Variants in CDIP1 observed in about 807,000 individuals in gnomAD.
CDIP1 encodes cell death-inducing p53-target protein 1.
CDIP1 carries 9 observed loss-of-function variants against 17.7 expected under a neutral mutation model. The ratio of observed to expected loss-of-function variants is 0.51; its 90% CI spans 0.31 to 0.89. The LOEUF (loss-of-function observed/expected upper bound fraction) is 0.89. CDIP1 is among the 40% of genes least tolerant of loss of function. The pLI, the probability that CDIP1 is intolerant of heterozygous loss-of-function variation, is 0.05. For missense variants in CDIP1, 263 were observed against 277.9 expected (o/e 0.95, Z 0.38); for synonymous variants, 117 against 109.5 (o/e 1.07, Z -0.43).
At chr16:4,529,954 T>A (rs1049398180) in intron 1 of CDIP1, among the ~76,000 whole-genome samples, 1 of 152,192 alleles carries the variant, frequency 6.6e-6, no homozygotes, top group African/African-American at 2.4e-5. Flanking sequence ...GTCCCCCTAT[T>A]CCGTGGGTCG....
rs1292261976 is a variant in CDIP1 at position 4,538,750 on chromosome 16, T to A, written c.-153A>T. ...GGCCGCAACAGCAGGACCGAACGCCTCGGCAGCTGGCAGTCGCACTTCTGT... is the reference window on the plus strand; with the variant it reads ...GGCCGCAACAGCAGGACCGAACGCCACGGCAGCTGGCAGTCGCACTTCTGT... On this transcript the variant is annotated 5_prime_UTR_variant, in exon 1 of 6. Transcript: ENST00000567695. 1 of 152,098 alleles carries A rather than the reference T, an allele frequency of 6.6e-6. No homozygotes were observed. The highest frequency in any genetic ancestry group is 1.5e-5 in the Non-Finnish European group (1 of 68,058). The allele number at this position is 152,098 out of a possible 1,614,324, so 9.4% of individuals were successfully genotyped here.
chr16:4,531,217 A>G (rs2059053835), intron 1 of CDIP1, among the ~76,000 whole-genome samples: 1 of 151,942 alleles, frequency 6.6e-6, no homozygotes, highest in Non-Finnish European at 1.5e-5. Flanking sequence ...TTTAGTACAG[A>G]TGGGGTTTCA....
intron 1 of CDIP1, among the ~76,000 whole-genome samples, chr16:4,527,174 G>A (rs527775154): frequency 1.3e-4 from 20 of 150,370 alleles, no homozygotes; most frequent in African/African-American, 2.9e-4. Context: ...TGCAAGCTCC[G>A]CCTCCTGGGT....
intron 1 of CDIP1, among the ~76,000 whole-genome samples, chr16:4,528,369 G>A (rs2059021748): frequency 6.6e-6 from 1 of 152,172 alleles, no homozygotes; most frequent in Non-Finnish European, 1.5e-5. Flanking sequence ...GTGAGCCACT[G>A]CACTCTTCCA....
chr16:4,525,928 T>C (rs942742903), intron 1 of CDIP1, among the ~76,000 whole-genome samples: 1 of 152,124 alleles, frequency 6.6e-6, no homozygotes, highest in Non-Finnish European at 1.5e-5. Context: ...CTCTGAACCA[T>C]TTATTTATTT....
At chr16:4,532,182 C>T (rs1038727735) in intron 1 of CDIP1, 14 of 152,220 alleles carry the variant, frequency 9.2e-5, no homozygotes, top group African/African-American at 3.1e-4. Flanking sequence ...ACGGTCCCTG[C>T]GTCTTGGCTC....
chr16:4,528,298 C>T (rs543312155), intron 1 of CDIP1, among the ~76,000 whole-genome samples: 3 of 152,288 alleles, frequency 2.0e-5, no homozygotes, highest in Non-Finnish European at 2.9e-5. Context: ...AGGCAGGTCT[C>T]GAACTCCTGA....
At chr16:4,526,367 C>T (rs1215658529) in intron 1 of CDIP1, among the ~76,000 whole-genome samples, 1 of 147,824 alleles carries the variant, frequency 6.8e-6, no homozygotes, top group Non-Finnish European at 1.5e-5. Context: ...ATCACACCGT[C>T]GCACTCCAGC....
At chr16:4,516,730 CAG>C (rs137922573) in intron 1 of CDIP1, among the ~76,000 whole-genome samples, 9,534 of 105,830 alleles carry the variant, frequency 0.09, 618 homozygotes, top group African/African-American at 0.2. Context: ...TTTTGTGAGA[CAG>C]AGTCTTGCTC....
At position 4,516,862 on chromosome 16, in the gene CDIP1, C is replaced by G. The variant is rs545820611; in HGVS notation, c.-104-2198G>C. 2.6e-5 allele frequency among the ~76,000 whole-genome samples: 4 copies of G among 152,114 alleles called. No individual in the cohort carries two copies. In the South Asian group the frequency reaches 6.2e-4, roughly 24 times the overall value. The stretch of plus-strand genomic sequence containing the variant: ...AGCTGAGACTACAGGCACACGGCAC[C>G]ACGACTGGCTGATTTTTGTATTTTT... On this transcript the variant is annotated intron_variant, in intron 1 of 5. Coordinates refer to ENST00000567695, the MANE Select transcript of CDIP1 (RefSeq NM_013399.3).
In CDIP1 at chr16:4,529,865, G is replaced by C. The variant is rs535390401; in HGVS notation, c.-105+8837C>G. ...CACTCACGGCCACCCAGGTGGAAGA[G>C]TCTTAATTCAGACACAAATGTCTCC... is the stretch of plus-strand genomic sequence containing the variant. On this transcript the variant is annotated intron_variant, in intron 1 of 5. Transcript: ENST00000567695. Among the ~76,000 whole-genome samples the C allele has an allele frequency of 2.4e-4, 36 of 152,358 alleles. No individual in the cohort carries two copies. In the East Asian group the frequency reaches 6.2e-3, roughly 26 times the overall value.
chr16:4,526,241 C>CA (rs1373352767), intron 1 of CDIP1, among the ~76,000 whole-genome samples: 4 of 151,890 alleles, frequency 2.6e-5, no homozygotes, highest in Non-Finnish European at 5.9e-5. Flanking sequence ...TCTGTTTGTA[C>CA]AAAAAATACA....
chr16:4,523,833 T>C (rs1455455405), intron 1 of CDIP1: 3 of 152,226 alleles, frequency 2.0e-5, no homozygotes, highest in East Asian at 3.9e-4. Context: ...CCCCTGAGGG[T>C]GGCCAGATGG....
In CDIP1 at chr16:4,512,985, G is replaced by A. The variant is rs762649316; in HGVS notation, c.321C>T (p.Gly107=). 5 of 1,589,592 alleles carry A rather than the reference G, an allele frequency of 3.1e-6. No individual in the cohort carries two copies. The African/African-American group carries it at 5.4e-5, about 17-fold the overall frequency. ...GGACTGTGGCTGTGTGGCCCCCAGG[G>A]CCAGGGTAGGGCCCTGGCGTGTAGG... ...PGPYTPGPYP[G]PGGHTATVLV... Residue 107 remains glycine (G), a synonymous_variant, in exon 5 of 6, where the codon GGC becomes GGT. Coordinates refer to ENST00000567695, the MANE Select transcript of CDIP1 (RefSeq NM_013399.3). The surrounding 1 kb of genome is among the most constrained non-coding windows in gnomAD (Gnocchi z 4.6).
At position 4,513,766 on chromosome 16, in the gene CDIP1, C is replaced by T. The variant is rs777228834; in HGVS notation, c.171G>A (p.Pro57=). Residue 57 remains proline, a synonymous_variant, in exon 4 of 6, where the codon CCG becomes CCA. Transcript: ENST00000567695. This position sits in a 1 kb window ranked among gnomAD's most constrained non-coding sequence, Gnocchi z 4.1. ...AGCCAGGCTGGGGCATTGGGTGACCCGGCGGCTCATAGGGTGGGGGGCCAA... is the reference window on the plus strand; with the variant it reads ...AGCCAGGCTGGGGCATTGGGTGACCTGGCGGCTCATAGGGTGGGGGGCCAA... ...ADIGPPPYEP[P]GHPMPQPGFI... is the part of the protein sequence containing the mutation. 1.5e-5 allele frequency: 24 copies of T among 1,612,376 alleles called. No homozygotes were observed. The highest frequency in any genetic ancestry group is 3.3e-5 in the South Asian group (3 of 90,990).
In CDIP1 at chr16:4,513,089, C is replaced by T. The variant is rs200135652; in HGVS notation, c.242-25G>A. Reference sequence around the variant, plus strand: ...CCTGGAATGGCACAGAAGATGGAGGCGAGAGGTCACTGGCCTGCCACCTGC... The same window carrying T: ...CCTGGAATGGCACAGAAGATGGAGGTGAGAGGTCACTGGCCTGCCACCTGC... On this transcript the variant is annotated intron_variant, in intron 4 of 5. Coordinates refer to ENST00000567695, the MANE Select transcript of CDIP1 (RefSeq NM_013399.3). This position sits in a 1 kb window ranked among gnomAD's most constrained non-coding sequence, Gnocchi z 4.1. The T allele has an allele frequency of 2.0e-4, 307 of 1,558,886 alleles. 1 individual carries two copies. Among genetic ancestry groups the T allele is most frequent in the Middle Eastern group, 1.6e-3 (7 of 4,264 alleles).
rs1357312248 is a variant in CDIP1, at chr16:4,514,239, G to C, written c.-14-95C>G. 2.9e-6 allele frequency: 2 copies of C among 691,472 alleles called. No homozygotes were observed. Among genetic ancestry groups the C allele is most frequent in the Non-Finnish European group, 4.8e-6 (2 of 416,284 alleles). 42.8% of individuals were successfully genotyped at this position (691,472 alleles called of 1,614,324 possible). A position where few individuals can be genotyped will look rare whatever the true frequency, so the allele number is the denominator to read the frequency against. ...GGGTGGCCAAGATGCTGCACAAGGCGTGTGACCATCCTCAGAAGGGTCTGC... is the reference window on the plus strand; with the variant it reads ...GGGTGGCCAAGATGCTGCACAAGGCCTGTGACCATCCTCAGAAGGGTCTGC... On this transcript the variant is annotated intron_variant, in intron 2 of 5. Coordinates refer to ENST00000567695, the MANE Select transcript of CDIP1 (RefSeq NM_013399.3). The surrounding 1 kb of genome is among the most constrained non-coding windows in gnomAD (Gnocchi z 5.2).
rs1322650383 is a variant in CDIP1, at chr16:4,513,808, T to G, written c.129A>C (p.Pro43=). 1.3e-6 allele frequency: 2 copies of G among 1,598,574 alleles called. No homozygotes were observed. Among genetic ancestry groups the G allele is most frequent in the Non-Finnish European group, 1.7e-6 (2 of 1,171,880 alleles). Residue 43 remains proline (P), a synonymous_variant, in exon 4 of 6, where the codon CCA becomes CCC. Coordinates refer to ENST00000567695, the MANE Select transcript of CDIP1 (RefSeq NM_013399.3). This position sits in a 1 kb window ranked among gnomAD's most constrained non-coding sequence, Gnocchi z 4.1. ...GGGGGCCAATGTCCGCAGGGGGCAG[T>G]GGCATGCCTGGAGGGGGCTGCATCA... The part of the protein sequence containing the change: ...PAVMQPPPGM[P]LPPADIGPPP...
chr16:4,523,039 A>G (rs4786512), intron 1 of CDIP1, among the ~76,000 whole-genome samples: 106,077 of 152,124 alleles, frequency 0.7, 37,317 homozygotes, highest in Non-Finnish European at 0.74. Flanking sequence ...TGTTACTTGC[A>G]AGGGATGGCC....
Sources: gnomAD v4.1 joint callset for allele counts (sites outside exome capture counted in the v4.1 genomes callset) on GRCh38, gnomAD v4.1.1 for gene constraint, Gnocchi (gnomAD v3.1) non-coding constraint, MANE v1.5 for transcripts, NCBI Gene and HGNC (gene_info 2026-07-23, HGNC 2026-07-21) for gene names.